Variants in PTPN3 observed in about 807,000 individuals in gnomAD.
PTPN3 encodes the protein protein tyrosine phosphatase non-receptor type 3, also known as tyrosine-protein phosphatase non-receptor type 3.
A neutral mutation model predicts 132.7 loss-of-function variants in PTPN3; 96 were observed. The ratio of observed to expected loss-of-function variants is 0.72; its 90% CI spans 0.61 to 0.86. The LOEUF is 0.86. Ranked by LOEUF, PTPN3 falls within the 40% of genes least tolerant of loss-of-function variation. PTPN3 has a pLI of 0.00. For missense variants in PTPN3, 1,125 were observed against 1,159.6 expected (o/e 0.97, Z 0.43); for synonymous variants, 398 against 429.0 (o/e 0.93, Z 0.89).
intron 19 of PTPN3, among the ~76,000 whole-genome samples, chr9:109,398,002 G>T (rs755888729): frequency 8.5e-5 from 13 of 152,210 alleles, no homozygotes; most frequent in Non-Finnish European, 1.9e-4. Flanking sequence ...GGCCGGGCAT[G>T]GTGGCTGATG....
chr9:109,390,485 G>A (rs1037670010), intron 21 of PTPN3, among the ~76,000 whole-genome samples: 2 of 152,106 alleles, frequency 1.3e-5, no homozygotes, highest in East Asian at 1.9e-4. Flanking sequence ...AGCATTAGGA[G>A]ATATACCTAA....
chr9:109,454,807 T>C (rs565404436), intron 4 of PTPN3, among the ~76,000 whole-genome samples: 1 of 152,220 alleles, frequency 6.6e-6, no homozygotes, highest in Non-Finnish European at 1.5e-5. Flanking sequence ...ATCTACTTCC[T>C]AGCACACGTT....
chr9:109,487,178 A>G (rs1187177235), intron 1 of PTPN3, among the ~76,000 whole-genome samples: 3 of 152,242 alleles, frequency 2.0e-5, no homozygotes, highest in Non-Finnish European at 4.4e-5. Flanking sequence ...GATAAAGGGC[A>G]GCAGAGGAAG....
At chr9:109,527,737 T>C in the PTPN3 span, among the ~76,000 whole-genome samples, 5 of 152,202 alleles carry the variant, frequency 3.3e-5, no homozygotes, top group Non-Finnish European at 7.3e-5. Flanking sequence ...CCTTAAAACA[T>C]GTACAACTAT....
the PTPN3 span, chr9:109,534,381 C>T: frequency 3.4e-6 from 5 of 1,468,584 alleles, no homozygotes; most frequent in Non-Finnish European, 9.0e-7. Context: ...GCGGCTCCTC[C>T]CGGGGTGTGA....
At chr9:109,505,910 C>T in the PTPN3 span, among the ~76,000 whole-genome samples, 405 of 152,058 alleles carry the variant, frequency 2.7e-3, no homozygotes, top group Non-Finnish European at 4.6e-3. Flanking sequence ...CCGCTATGCC[C>T]GGCTAATTTT....
At chr9:109,465,241 T>C (rs1424979786) in intron 1 of PTPN3, among the ~76,000 whole-genome samples, 3 of 152,146 alleles carry the variant, frequency 2.0e-5, no homozygotes, top group Non-Finnish European at 4.4e-5. Context: ...ACTGAGGACA[T>C]GACTATATCA....
chr9:109,456,461 A>C (rs1000692581), intron 4 of PTPN3, among the ~76,000 whole-genome samples: 3 of 152,220 alleles, frequency 2.0e-5, no homozygotes, highest in Non-Finnish European at 2.9e-5. Flanking sequence ...CCTTGAAAAA[A>C]GGCAGGATTT....
chr9:109,491,780 G>A (rs912289831), intron 1 of PTPN3, among the ~76,000 whole-genome samples: 5 of 152,218 alleles, frequency 3.3e-5, no homozygotes, highest in African/African-American at 1.2e-4. Flanking sequence ...AGTGGGGAGG[G>A]GGAGAAGGTC....
intron 9 of PTPN3, among the ~76,000 whole-genome samples, chr9:109,435,024 T>C (rs1213733360): frequency 1.3e-5 from 2 of 152,112 alleles, no homozygotes; most frequent in South Asian, 2.1e-4. Context: ...CCAAATTTGC[T>C]TGATGAAGGG....
At chr9:109,400,583 G>A (rs1200409966) in intron 19 of PTPN3, among the ~76,000 whole-genome samples, 1 of 152,202 alleles carries the variant, frequency 6.6e-6, no homozygotes, top group East Asian at 1.9e-4. Context: ...GCATTTTGTA[G>A]TTTTCAAAGG....
chr9:109,465,568 G>T (rs953764093), intron 1 of PTPN3, among the ~76,000 whole-genome samples: 2 of 152,092 alleles, frequency 1.3e-5, no homozygotes, highest in African/African-American at 4.8e-5. Flanking sequence ...AATTAGCTGG[G>T]CACGGTGGCA....
intron 1 of PTPN3, among the ~76,000 whole-genome samples, chr9:109,480,178 G>C (rs937502295): frequency 3.3e-5 from 5 of 151,936 alleles, no homozygotes; most frequent in Non-Finnish European, 7.4e-5. Context: ...TTTTGTGTTA[G>C]TGTGAGCTGT....
intron 9 of PTPN3, among the ~76,000 whole-genome samples, chr9:109,436,337 A>T (rs1844049813): frequency 6.6e-6 from 1 of 152,226 alleles, no homozygotes; most frequent in Non-Finnish European, 1.5e-5. Flanking sequence ...TAACATATGG[A>T]ACTCATGGTA....
chr9:109,534,068 G>T, the PTPN3 span: 1 of 771,404 alleles, frequency 1.3e-6, no homozygotes, highest in South Asian at 1.4e-5. Context: ...TTGGCAGTCT[G>T]GGGTACAAAT....
At chr9:109,475,701 T>C (rs1846624113) in intron 1 of PTPN3, among the ~76,000 whole-genome samples, 1 of 152,252 alleles carries the variant, frequency 6.6e-6, no homozygotes, top group Non-Finnish European at 1.5e-5. Context: ...TCTTAGGCTC[T>C]GGCCCCCACC....
chr9:109,527,837 G>A, the PTPN3 span, among the ~76,000 whole-genome samples: 1 of 152,130 alleles, frequency 6.6e-6, no homozygotes, highest in African/African-American at 2.4e-5. Context: ...GCCACAGACT[G>A]ATAAGGGATA....
chr9:109,424,810 G>A (rs1421067409), intron 12 of PTPN3, among the ~76,000 whole-genome samples: 2 of 152,226 alleles, frequency 1.3e-5, no homozygotes, highest in Non-Finnish European at 2.9e-5. Context: ...AACAGAATGG[G>A]TGTTGCTTTC....
At chr9:109,505,359 A>G in the PTPN3 span, among the ~76,000 whole-genome samples, 1 of 152,182 alleles carries the variant, frequency 6.6e-6, no homozygotes, top group Non-Finnish European at 1.5e-5. Flanking sequence ...TGCAGCTTCC[A>G]CTTCCTGGGC....
Sources: gnomAD v4.1 joint callset for allele counts (sites outside exome capture counted in the v4.1 genomes callset) on GRCh38, gnomAD v4.1.1 for gene constraint, MANE v1.5 for transcripts, NCBI Gene and HGNC (gene_info 2026-07-23, HGNC 2026-07-21) for gene names.